Variants in HMGXB3 observed in about 807,000 individuals in gnomAD.
HMGXB3 encodes HMG-box containing 3, also known as HMG domain-containing protein 3.
HMGXB3 carries 45 observed loss-of-function variants against 121.5 expected under a neutral mutation model. That is an observed-to-expected ratio of 0.37 (90% CI 0.29 to 0.47). The LOEUF (loss-of-function observed/expected upper bound fraction) is 0.47. HMGXB3 is among the 20% of genes least tolerant of loss of function. The pLI, the probability that HMGXB3 is intolerant of heterozygous loss-of-function variation, is 0.99. For missense variants in HMGXB3, 1,376 were observed against 1,602.2 expected (o/e 0.86, Z 2.41); for synonymous variants, 590 against 624.1 (o/e 0.95, Z 0.81).
At chr5:150,007,287 A>G (rs954931481) in intron 3 of HMGXB3, among the ~76,000 whole-genome samples, 2 of 152,206 alleles carry the variant, frequency 1.3e-5, no homozygotes, top group South Asian at 4.1e-4. Context: ...ACAGTAACAA[A>G]ATACACTGAC....
chr5:150,028,220 C>T (rs1173254571), intron 9 of HMGXB3, among the ~76,000 whole-genome samples: 6 of 151,958 alleles, frequency 3.9e-5, no homozygotes, highest in Non-Finnish European at 8.8e-5. Flanking sequence ...CAAGTGGTTG[C>T]ATCCTTCTGA....
In HMGXB3 at chr5:150,026,929, G is replaced by A. The variant is rs761113388; in HGVS notation, c.1636+48G>A. The A allele has an allele frequency of 1.2e-5, 18 of 1,516,026 alleles. No homozygotes were observed. The African/African-American group carries it at 2.4e-4, about 20-fold the overall frequency. The allele number at this position is 1,516,026 out of a possible 1,614,324, so 93.9% of individuals were successfully genotyped here. ...GATGGAGGGGCTGTCTGACAGGAAA[G>A]GGACAGGAGTGGGGGGTTGAGAACG... On this transcript the variant is annotated intron_variant, in intron 8 of 19. Transcript: ENST00000502717.
chr5:150,047,290 C>T (rs1756779167), intron 16 of HMGXB3, among the ~76,000 whole-genome samples: 1 of 152,120 alleles, frequency 6.6e-6, no homozygotes, highest in Non-Finnish European at 1.5e-5. Flanking sequence ...CCGAGAGCTG[C>T]TGTTCTTTTC....
At chr5:150,028,360 T>G (rs1373308908) in intron 9 of HMGXB3, among the ~76,000 whole-genome samples, 4 of 150,374 alleles carry the variant, frequency 2.7e-5, no homozygotes, top group Non-Finnish European at 4.4e-5. Context: ...CCATTTAGCA[T>G]AGAGATTTGG....
chr5:150,009,147 A>G (rs1755772902), intron 3 of HMGXB3, among the ~76,000 whole-genome samples: 1 of 152,300 alleles, frequency 6.6e-6, no homozygotes, highest in South Asian at 2.1e-4. Flanking sequence ...TAAAACATAA[A>G]TGACTTTTTC....
At chr5:150,042,487 T>C (rs748686878) in intron 15 of HMGXB3, among the ~76,000 whole-genome samples, 5 of 152,010 alleles carry the variant, frequency 3.3e-5, no homozygotes, top group Non-Finnish European at 7.4e-5. Context: ...CTGAAACCCA[T>C]GTGGCTTTGT....
In HMGXB3 at chr5:150,010,542, C is replaced by T. The variant is rs1755804862; in HGVS notation, c.744C>T (p.Pro248=). Residue 248 remains proline, a synonymous_variant, in exon 4 of 20, where the codon CCC becomes CCT. Coordinates refer to ENST00000502717, the MANE Select transcript of HMGXB3 (RefSeq NM_014983.3). Reference sequence around the variant, plus strand: ...TGGTGAATGGCTCACCAGACCTCCCCACTGGAAGCCTGGCTGTGCCCCACC... The same window carrying T: ...TGGTGAATGGCTCACCAGACCTCCCTACTGGAAGCCTGGCTGTGCCCCACC... ...ETLVNGSPDL[P]TGSLAVPHPQ... 1 of 1,551,348 alleles carries T rather than the reference C, an allele frequency of 6.4e-7. No homozygotes were observed. The highest frequency in any genetic ancestry group is 2.0e-5 in the Admixed American group (1 of 50,982).
intron 18 of HMGXB3, 103 bp downstream of exon 18, chr5:150,048,788 T>A (rs1327476467): frequency 4.7e-6 from 4 of 845,032 alleles, no homozygotes; most frequent in Non-Finnish European, 7.8e-6. Context: ...CTTAGGTCAC[T>A]GGGCAACCTC....
chr5:150,023,924 A>G (rs903954215), intron 6 of HMGXB3, among the ~76,000 whole-genome samples: 3 of 152,280 alleles, frequency 2.0e-5, no homozygotes, highest in Non-Finnish European at 4.4e-5. Context: ...CTTTCTAGAC[A>G]CACAGAAGTA....
In HMGXB3 at chr5:150,046,630, G is replaced by A. The variant is rs912813104; in HGVS notation, c.2950+945G>A. Among the ~76,000 whole-genome samples, 7 of 152,116 alleles carry A rather than the reference G, an allele frequency of 4.6e-5. No homozygotes were observed. The East Asian group carries it at 7.9e-4, about 17-fold the overall frequency. On this transcript the variant is annotated intron_variant, in intron 16 of 19. Coordinates refer to ENST00000502717, the MANE Select transcript of HMGXB3 (RefSeq NM_014983.3). ...GATCGAGACCATCCTGGCTAACACG[G>A]TGAAACACCATCTCTACTAAAAACA...
At chr5:150,027,702 A>G (rs988866997) in intron 9 of HMGXB3, among the ~76,000 whole-genome samples, 2 of 152,062 alleles carry the variant, frequency 1.3e-5, no homozygotes, top group African/African-American at 2.4e-5. Context: ...ACAGGAGCAC[A>G]CCACCACGCC....
At chr5:150,030,939 G>T in intron 10 of HMGXB3, 100 bp downstream of exon 10, 2 of 800,152 alleles carry the variant, frequency 2.5e-6, no homozygotes, top group Admixed American at 2.1e-5. Flanking sequence ...GTGGTAGCTG[G>T]GAGGGAGAAC....
Position 150,010,571 on chromosome 5 carries a change from A to G in HMGXB3, c.773A>G (p.Gln258Arg). ...GGAAGCCTGGCTGTGCCCCACCCCCAGGTTGGGGAGAGTGTATCAGTGGTA... is the reference window on the plus strand; with the variant it reads ...GGAAGCCTGGCTGTGCCCCACCCCCGGGTTGGGGAGAGTGTATCAGTGGTA... ...PTGSLAVPHP[Q>R]VGESVSVVTV... is the part of the protein sequence containing the mutation. Residue 258 changes from glutamine (Q) to arginine (R), a missense_variant, in exon 4 of 20, where the codon CAG becomes CGG. Gln to Arg is a conservative substitution (Grantham distance 43). Around this residue, in one of 2 missense-constraint regions of HMGXB3, gnomAD observed 1,116 missense variants for 1,369.0 expected, o/e 0.82. Coordinates refer to ENST00000502717, the MANE Select transcript of HMGXB3 (RefSeq NM_014983.3). The G allele has an allele frequency of 1.3e-6, 2 of 1,551,240 alleles. No individual in the cohort carries two copies. The highest frequency in any genetic ancestry group is 1.7e-6 in the Non-Finnish European group (2 of 1,146,914).
Position 150,010,448 on chromosome 5 carries a change from A to G in HMGXB3, c.650A>G (p.Glu217Gly). The G allele has an allele frequency of 6.4e-7, 1 of 1,551,574 alleles. No homozygotes were observed. The highest frequency in any genetic ancestry group is 8.7e-7 in the Non-Finnish European group (1 of 1,146,888). Residue 217 changes from glutamate to glycine, a missense_variant, in exon 4 of 20, where the codon GAG (glutamate) becomes GGG (glycine). Physicochemically the swap from Glu to Gly is moderately conservative, Grantham distance 98 (BLOSUM62 -2). Transcript: ENST00000502717. Reference sequence around the variant, plus strand: ...ATCCTCAGCCAGGATGTGCTCCTAGAGGACGCTTCCCTAGAAGTAGGGGAG... The same window carrying G: ...ATCCTCAGCCAGGATGTGCTCCTAGGGGACGCTTCCCTAGAAGTAGGGGAG... ...SEILSQDVLL[E>G]DASLEVGESH...
At chr5:150,046,391 C>G (rs1450769140) in intron 16 of HMGXB3, among the ~76,000 whole-genome samples, 2 of 152,158 alleles carry the variant, frequency 1.3e-5, no homozygotes, top group African/African-American at 2.4e-5. Context: ...AACAACATTC[C>G]CAAAACAGTA....
chr5:150,005,103 T>C lies in HMGXB3; in HGVS notation c.137+114T>C, dbSNP rs1755665222. The C allele has an allele frequency of 9.6e-6, 13 of 1,357,274 alleles. No individual in the cohort carries two copies. The South Asian group carries it at 2.1e-4, about 21-fold the overall frequency. The allele number at this position is 1,357,274 out of a possible 1,614,324, so 84.1% of individuals were successfully genotyped here. On this transcript the variant is annotated intron_variant, in intron 2 of 19. Transcript: ENST00000502717. Reference sequence around the variant, plus strand: ...AAAAAGAGTGTTATGATTGAAGTCCTGTGTCGAGGGATGAGGAGTGGGAAG... The same window carrying C: ...AAAAAGAGTGTTATGATTGAAGTCCCGTGTCGAGGGATGAGGAGTGGGAAG...
chr5:150,013,444 T>C (rs763446913), intron 5 of HMGXB3, among the ~76,000 whole-genome samples: 22 of 152,220 alleles, frequency 1.4e-4, no homozygotes, highest in Non-Finnish European at 3.2e-4. Context: ...AGTGATGTAG[T>C]ATCCCTCTCA....
intron 9 of HMGXB3, among the ~76,000 whole-genome samples, chr5:150,028,628 G>A (rs1373285211): frequency 7.0e-6 from 1 of 143,528 alleles, no homozygotes; most frequent in East Asian, 2.1e-4. Flanking sequence ...GTGCAGTGGT[G>A]CAATCATAGC....
chr5:150,040,955 A>C, intron 14 of HMGXB3, 76 bp downstream of exon 14: 1 of 1,335,242 alleles, frequency 7.5e-7, no homozygotes, highest in South Asian at 1.5e-5. Flanking sequence ...CATTTGGTTA[A>C]AAGACTCATT....
Sources: gnomAD v4.1 joint callset for allele counts (sites outside exome capture counted in the v4.1 genomes callset) on GRCh38, gnomAD v4.1.1 for gene constraint, gnomAD v4.1.1 regional missense constraint, MANE v1.5 for transcripts, NCBI Gene and HGNC (gene_info 2026-07-23, HGNC 2026-07-21) for gene names.